The following ASAP1 variants were observed in gnomAD, a reference collection of about 807,000 sequenced individuals.
ASAP1 encodes the protein ArfGAP with SH3 domain, ankyrin repeat and PH domain 1, also known as arf-GAP with SH3 domain, ANK repeat and PH domain-containing protein 1.
In ASAP1, 43 loss-of-function variants were observed where a neutral mutation model predicts 145.2. The ratio of observed to expected loss-of-function variants is 0.30; its 90% CI spans 0.23 to 0.38. The LOEUF is 0.38. Ranked by LOEUF, ASAP1 falls within the 10% of genes least tolerant of loss-of-function variation. The probability of loss-of-function intolerance (pLI) is 1.00; values close to 1 mark genes in which losing one functional copy is unlikely to be tolerated. For missense variants in ASAP1, 1,018 were observed against 1,355.3 expected (o/e 0.75, Z 3.91); for synonymous variants, 546 against 515.5 (o/e 1.06, Z -0.80).
intron 9 of ASAP1, among the ~76,000 whole-genome samples, chr8:130,171,137 T>C (rs750272532): frequency 3.9e-5 from 6 of 152,342 alleles, no homozygotes; most frequent in South Asian, 4.1e-4. Flanking sequence ...TTTTATCTCT[T>C]ACCATTTTCC....
chr8:130,140,703 T>C (rs1182559398), intron 13 of ASAP1, among the ~76,000 whole-genome samples: 1 of 152,198 alleles, frequency 6.6e-6, no homozygotes, highest in African/African-American at 2.4e-5. Context: ...TAACATGAAC[T>C]GCATTTGACA....
At chr8:130,068,251 G>T (rs1335624935) in intron 27 of ASAP1, among the ~76,000 whole-genome samples, 2 of 152,190 alleles carry the variant, frequency 1.3e-5, no homozygotes, top group Non-Finnish European at 2.9e-5. Flanking sequence ...AGGGTGCTGG[G>T]TCAGGACTTG....
chr8:130,154,331 T>C (rs1565025968), intron 12 of ASAP1, among the ~76,000 whole-genome samples: 1 of 152,064 alleles, frequency 6.6e-6, no homozygotes, highest in African/African-American at 2.4e-5. Flanking sequence ...TATTGAAGGA[T>C]AAAAAAAGCC....
chr8:130,320,790 A>C (rs192075700), intron 3 of ASAP1, among the ~76,000 whole-genome samples: 9 of 152,316 alleles, frequency 5.9e-5, no homozygotes, highest in Admixed American at 5.9e-4. Flanking sequence ...AGTAGAATTT[A>C]CCAATGGAAA....
intron 5 of ASAP1, among the ~76,000 whole-genome samples, chr8:130,201,574 C>A (rs990873910): frequency 6.6e-6 from 1 of 152,160 alleles, no homozygotes; most frequent in African/African-American, 2.4e-5. Context: ...GCATTATCTG[C>A]AGCATCTGAT....
chr8:130,410,431 T>C (rs549152032), intron 1 of ASAP1, among the ~76,000 whole-genome samples: 5 of 152,206 alleles, frequency 3.3e-5, no homozygotes, highest in African/African-American at 9.6e-5. Context: ...TTCTCAAGTT[T>C]ATTCTATACT....
chr8:130,256,769 A>ATATATT (rs1819586963), intron 3 of ASAP1, among the ~76,000 whole-genome samples: 1 of 123,924 alleles, frequency 8.1e-6, no homozygotes, highest in Non-Finnish European at 1.7e-5. Context: ...ATATATATAT[A>ATATATT]TATATATATA....
intron 3 of ASAP1, among the ~76,000 whole-genome samples, chr8:130,311,775 A>AAAAAAAAAAAAAAAAAC (rs796803091): frequency 1.3e-5 from 2 of 148,574 alleles, no homozygotes; most frequent in East Asian, 2.0e-4. Flanking sequence ...AAAAAAAAAA[A>AAAAAAAAAAAAAAAAAC]GGCAAAATAA....
At chr8:130,421,918 T>C (rs1829734515) in intron 1 of ASAP1, among the ~76,000 whole-genome samples, 1 of 152,148 alleles carries the variant, frequency 6.6e-6, no homozygotes, top group African/African-American at 2.4e-5. Context: ...ATGTGAGAAA[T>C]CCTGTGAGTT....
chr8:130,296,983 G>C, intron 3 of ASAP1, among the ~76,000 whole-genome samples: 1 of 152,042 alleles, frequency 6.6e-6, no homozygotes, highest in Non-Finnish European at 1.5e-5. Context: ...CCACCTATTA[G>C]AAGGGCAGAG....
chr8:130,301,330 C>G (rs986506572), intron 3 of ASAP1, among the ~76,000 whole-genome samples: 5 of 152,270 alleles, frequency 3.3e-5, no homozygotes, highest in South Asian at 4.1e-4. Flanking sequence ...ACAGTGTGTT[C>G]TGAGAAACGA....
intron 5 of ASAP1, among the ~76,000 whole-genome samples, chr8:130,198,565 C>G (rs1032858484): frequency 6.6e-6 from 1 of 152,114 alleles, no homozygotes; most frequent in African/African-American, 2.4e-5. Flanking sequence ...GGCAGAACAG[C>G]ATGAATTTTA....
intron 13 of ASAP1, among the ~76,000 whole-genome samples, chr8:130,141,523 T>C (rs2097611162): frequency 6.6e-6 from 1 of 152,080 alleles, no homozygotes. Flanking sequence ...CTCTTAACAC[T>C]CCTTATTTGC....
chr8:130,161,399 A>C (rs565446713), intron 11 of ASAP1, among the ~76,000 whole-genome samples: 1 of 152,318 alleles, frequency 6.6e-6, no homozygotes, highest in East Asian at 1.9e-4. Flanking sequence ...CAGTGATGCA[A>C]AATTAATATA....
chr8:130,133,148 TA>T (rs1310917144), intron 15 of ASAP1, among the ~76,000 whole-genome samples: 173 of 135,014 alleles, frequency 1.3e-3, no homozygotes, highest in Admixed American at 1.4e-3. Context: ...TCATTAGAAA[TA>T]AAAAAAAAAA....
intron 3 of ASAP1, among the ~76,000 whole-genome samples, chr8:130,291,157 T>G (rs1821921969): frequency 6.6e-6 from 1 of 152,136 alleles, no homozygotes; most frequent in South Asian, 2.1e-4. Flanking sequence ...TGAAGAAAAC[T>G]GGTATGTAAA....
At chr8:130,114,009 T>C (rs2097550786) in intron 23 of ASAP1, among the ~76,000 whole-genome samples, 1 of 152,186 alleles carries the variant, frequency 6.6e-6, no homozygotes, top group Non-Finnish European at 1.5e-5. Flanking sequence ...CTCAAGCTTC[T>C]GGGCTCAAGG....
chr8:130,439,864 A>C (rs1398917284), intron 1 of ASAP1, among the ~76,000 whole-genome samples: 4 of 152,214 alleles, frequency 2.6e-5, no homozygotes, highest in Admixed American at 2.6e-4. Context: ...TCGGAGGTCC[A>C]GGCCTCCTGC....
chr8:130,102,198 A>G (rs945316781), intron 24 of ASAP1, among the ~76,000 whole-genome samples: 5 of 152,218 alleles, frequency 3.3e-5, no homozygotes, highest in Non-Finnish European at 7.3e-5. Flanking sequence ...AAAAGCTTTC[A>G]GCTTTCCCCC....
Sources: gnomAD v4.1 joint callset for allele counts (sites outside exome capture counted in the v4.1 genomes callset) on GRCh38, gnomAD v4.1.1 for gene constraint, MANE v1.5 for transcripts, NCBI Gene and HGNC (gene_info 2026-07-23, HGNC 2026-07-21) for gene names.